Variants in GRIP1 observed in about 807,000 individuals in gnomAD.
GRIP1 encodes the protein glutamate receptor interacting protein 1, also known as glutamate receptor-interacting protein 1.
In GRIP1, 45 loss-of-function variants were observed where a neutral mutation model predicts 129.9. The observed-to-expected ratio is 0.35, with a 90% CI of 0.27 to 0.44. The LOEUF is 0.44. Ranked by LOEUF, GRIP1 falls within the 20% of genes least tolerant of loss-of-function variation. The pLI is 1.00. For missense variants in GRIP1, 1,196 were observed against 1,396.8 expected, an observed-to-expected ratio of 0.86 and a Z score of 2.29; for synonymous variants, 530 against 520.8, an observed-to-expected ratio of 1.02 and a Z score of -0.24.
chr12:66,569,900 T>C (rs915821681), intron 2 of GRIP1, among the ~76,000 whole-genome samples: 1 of 152,140 alleles, frequency 6.6e-6, no homozygotes, highest in Non-Finnish European at 1.5e-5. Flanking sequence ...TTATTTCAGG[T>C]TCTACTCAGT....
intron 1 of GRIP1, among the ~76,000 whole-genome samples, chr12:66,938,505 C>T (rs1441376027): frequency 1.3e-5 from 2 of 152,034 alleles, no homozygotes; most frequent in East Asian, 1.9e-4. Context: ...CATATGGAGG[C>T]CAGAATTATA....
intron 1 of GRIP1, among the ~76,000 whole-genome samples, chr12:66,743,596 T>G (rs74098242): frequency 0.17 from 25,725 of 151,364 alleles, 3,044 homozygotes; most frequent in African/African-American, 0.33. Flanking sequence ...GGCTTTTTTT[T>G]TGTGTGTGTG....
chr12:66,439,591 A>G (rs1022195026), intron 13 of GRIP1, among the ~76,000 whole-genome samples: 2 of 152,224 alleles, frequency 1.3e-5, no homozygotes, highest in African/African-American at 2.4e-5. Context: ...CCAGCCTACC[A>G]TCAACTATGT....
In GRIP1 at chr12:66,573,993, T is replaced by C. The variant is rs570774433; in HGVS notation, c.136+22854A>G. Reference sequence around the variant, plus strand: ...TCCCTTTTCCATATGAGCTGAAATATTTCAAACTATTGATCTTTTTTTCCC... The same window carrying C: ...TCCCTTTTCCATATGAGCTGAAATACTTCAAACTATTGATCTTTTTTTCCC... On this transcript the variant is annotated intron_variant, in intron 2 of 24. Transcript: ENST00000359742. 2.6e-5 allele frequency among the ~76,000 whole-genome samples: 4 copies of C among 152,332 alleles called. No individual in the cohort carries two copies. The South Asian group carries it at 8.3e-4, about 32-fold the overall frequency.
intron 1 of GRIP1, among the ~76,000 whole-genome samples, chr12:66,706,576 T>C (rs1035036195): frequency 3.9e-5 from 6 of 152,120 alleles, no homozygotes; most frequent in Non-Finnish European, 5.9e-5. Flanking sequence ...CGTATGCTTA[T>C]TGCAGCACTA....
chr12:66,600,860 C>G (rs1342116386), intron 1 of GRIP1, among the ~76,000 whole-genome samples: 1 of 152,200 alleles, frequency 6.6e-6, no homozygotes, highest in Non-Finnish European at 1.5e-5. Flanking sequence ...CTACTGCTCG[C>G]TGAAATGAAT....
intron 1 of GRIP1, among the ~76,000 whole-genome samples, chr12:66,837,738 G>A (rs1054739317): frequency 6.6e-6 from 1 of 152,140 alleles, no homozygotes. Flanking sequence ...GAAGCCTATC[G>A]CAATGGTCCA....
intron 7 of GRIP1, among the ~76,000 whole-genome samples, chr12:66,503,116 A>G (rs113149668): frequency 6.6e-6 from 1 of 152,220 alleles, no homozygotes; most frequent in African/African-American, 2.4e-5. Context: ...AGCTGTCACA[A>G]TGAAGTGTTA....
chr12:66,854,495 G>A (rs375033712), intron 1 of GRIP1, among the ~76,000 whole-genome samples: 1 of 152,056 alleles, frequency 6.6e-6, no homozygotes. Flanking sequence ...GGGGGGCTTT[G>A]CTGGAACTAG....
chr12:66,799,381 C>G (rs17182287), intron 1 of GRIP1, among the ~76,000 whole-genome samples: 1,749 of 152,168 alleles, frequency 0.011, 16 homozygotes, highest in Non-Finnish European at 0.018. Context: ...CTAATTCATT[C>G]GGGATTTTTT....
chr12:66,549,664 A>G (rs978366025), intron 2 of GRIP1, among the ~76,000 whole-genome samples: 1 of 152,118 alleles, frequency 6.6e-6, no homozygotes, highest in Non-Finnish European at 1.5e-5. Flanking sequence ...AGACTAGCAG[A>G]GAAAGGTTTT....
chr12:66,587,419 T>C (rs1162493192), intron 2 of GRIP1, among the ~76,000 whole-genome samples: 2 of 152,268 alleles, frequency 1.3e-5, no homozygotes, highest in Non-Finnish European at 2.9e-5. Context: ...CTGTTTACAC[T>C]AGTTCATTTC....
At chr12:66,568,149 C>T (rs1018052409) in intron 2 of GRIP1, 3 of 276,806 alleles carry the variant, frequency 1.1e-5, no homozygotes, top group South Asian at 4.9e-5. Context: ...GGAACTGGTC[C>T]TTCTAAAACT....
At chr12:66,442,203 C>T (rs1243879981) in intron 13 of GRIP1, among the ~76,000 whole-genome samples, 3 of 152,210 alleles carry the variant, frequency 2.0e-5, no homozygotes, top group African/African-American at 7.2e-5. Flanking sequence ...ATTAGTCGGT[C>T]TCTCTAACCC....
At chr12:66,595,497 A>C (rs902843129) in intron 2 of GRIP1, among the ~76,000 whole-genome samples, 1 of 152,224 alleles carries the variant, frequency 6.6e-6, no homozygotes, top group Non-Finnish European at 1.5e-5. Flanking sequence ...ACTCAGTACC[A>C]GTGAATGTAG....
chr12:66,622,038 T>C (rs2065290120), intron 1 of GRIP1, among the ~76,000 whole-genome samples: 1 of 152,218 alleles, frequency 6.6e-6, no homozygotes, highest in Non-Finnish European at 1.5e-5. Flanking sequence ...TCCCATTCCA[T>C]GGGTTGCCTT....
intron 1 of GRIP1, among the ~76,000 whole-genome samples, chr12:67,042,347 C>T (rs1276139507): frequency 2.6e-5 from 4 of 152,072 alleles, no homozygotes; most frequent in Admixed American, 6.6e-5. Context: ...GCTCATGAAG[C>T]CATCATAAAA....
chr12:67,046,287 C>T (rs974146296), intron 1 of GRIP1, among the ~76,000 whole-genome samples: 13 of 152,170 alleles, frequency 8.5e-5, no homozygotes, highest in African/African-American at 3.1e-4. Context: ...CTCCCCTCTG[C>T]CTGCCATGTG....
rs1244104239 is a variant in GRIP1 at position 66,555,601 on chromosome 12, GA to G, written c.137-13652del. On this transcript the variant is annotated intron_variant, in intron 2 of 24. Coordinates refer to ENST00000359742, the MANE Select transcript of GRIP1 (RefSeq NM_001366722.1). ...ACCAGGGACCAAACCCAGAGAAATA[GA>G]GCTATGTAACCTTTCAGAGAGAGAA... is the stretch of plus-strand genomic sequence containing the variant. 7.2e-5 allele frequency among the ~76,000 whole-genome samples: 11 copies of G among 152,246 alleles called. No homozygotes were observed. In the East Asian group the frequency reaches 2.1e-3, roughly 29 times the overall value.
Sources: allele counts gnomAD v4.1 joint callset (sites outside exome capture counted in the v4.1 genomes callset), GRCh38; gene constraint gnomAD v4.1.1; transcripts MANE v1.5; gene names NCBI Gene and HGNC (gene_info 2026-07-23, HGNC 2026-07-21).